The following UTS2B variants were observed in gnomAD, a reference collection of about 807,000 sequenced individuals.
UTS2B encodes the protein urotensin 2B, also known as urotensin-2B.
A neutral mutation model predicts 19.2 loss-of-function variants in UTS2B; 21 were observed. The ratio of observed to expected loss-of-function variants is 1.09; its 90% CI spans 0.78 to 1.58. UTS2B has a LOEUF of 1.58. UTS2B is among the 40% of genes most tolerant of loss of function. UTS2B has a pLI of 0.00. For missense variants in UTS2B, 138 were observed against 130.3 expected (o/e 1.06, Z -0.29); for synonymous variants, 57 against 50.2 (o/e 1.14, Z -0.58).
At chr3:191,309,357 T>A (rs1717227960) in intron 3 of UTS2B, among the ~76,000 whole-genome samples, 1 of 151,404 alleles carries the variant, frequency 6.6e-6, no homozygotes, top group African/African-American at 2.4e-5. Context: ...TTTTTTTCAG[T>A]AGAGATGAGG....
At chr3:191,298,406 A>C (rs1424199042) in intron 4 of UTS2B, among the ~76,000 whole-genome samples, 2 of 152,032 alleles carry the variant, frequency 1.3e-5, no homozygotes, top group Admixed American at 6.6e-5. Flanking sequence ...ATTTCTCATG[A>C]GATCTGGTTG....
At chr3:191,290,405 C>T (rs902419644) in intron 4 of UTS2B, among the ~76,000 whole-genome samples, 3 of 152,194 alleles carry the variant, frequency 2.0e-5, no homozygotes, top group Non-Finnish European at 2.9e-5. Context: ...CTAAGCACCT[C>T]ACAAATAGTA....
intron 4 of UTS2B, among the ~76,000 whole-genome samples, chr3:191,298,109 T>C (rs562545554): frequency 6.6e-6 from 1 of 152,336 alleles, no homozygotes; most frequent in South Asian, 2.1e-4. Context: ...GCATATATAT[T>C]CATCTTTTTA....
chr3:191,267,650 AAGGGC>A lies in UTS2B; in HGVS notation c.*761_*765del, dbSNP rs922413531. 1 of 152,218 alleles carries A rather than the reference AAGGGC, an allele frequency of 6.6e-6. No homozygotes were observed. The highest frequency in any genetic ancestry group is 2.4e-5 in the African/African-American group (1 of 41,444). 9.4% of individuals were successfully genotyped at this position (152,218 alleles called of 1,614,324 possible). Reference sequence around the variant, plus strand: ...ACCAGCATTTATTATTAAGTTTAGCAAGGGCAGGGGTAGGTTAATGAGGGATTTAG... The same window carrying A: ...ACCAGCATTTATTATTAAGTTTAGCAAGGGGTAGGTTAATGAGGGATTTAG... On this transcript the variant is annotated 3_prime_UTR_variant, in exon 9 of 9. Transcript: ENST00000340524.
chr3:191,329,667 G>A (rs1246773796), intron 1 of UTS2B: 10 of 1,608,194 alleles, frequency 6.2e-6, no homozygotes, highest in Non-Finnish European at 7.6e-6. Context: ...CCGGGACCCT[G>A]GCCCGGTATG....
the UTS2B span, among the ~76,000 whole-genome samples, chr3:191,340,658 G>C: frequency 6.6e-6 from 1 of 152,102 alleles, no homozygotes; most frequent in South Asian, 2.1e-4. Flanking sequence ...AAAAAGTTTG[G>C]AGTGGCGGAG....
intron 1 of UTS2B, chr3:191,329,120 TTTG>T (rs1194108916): frequency 6.5e-6 from 1 of 153,826 alleles, no homozygotes; most frequent in Non-Finnish European, 1.4e-5. Context: ...GTGTGGCCTT[TTTG>T]TTGAGGCCTT....
intron 4 of UTS2B, among the ~76,000 whole-genome samples, chr3:191,286,998 T>A (rs1159003381): frequency 2.7e-5 from 3 of 109,522 alleles, no homozygotes; most frequent in African/African-American, 7.8e-5. Context: ...ACAAATTGAA[T>A]AACTTCAAAA....
chr3:191,337,403 T>TC, the UTS2B span, among the ~76,000 whole-genome samples: 5 of 148,974 alleles, frequency 3.4e-5, no homozygotes, highest in East Asian at 3.9e-4. Context: ...TCTCTCTCTC[T>TC]TTTTTTTTTA....
At chr3:191,310,381 A>C (rs1421003655) in intron 3 of UTS2B, among the ~76,000 whole-genome samples, 1 of 152,136 alleles carries the variant, frequency 6.6e-6, no homozygotes, top group Non-Finnish European at 1.5e-5. Context: ...CAAAGATAAT[A>C]TTTCCCATCA....
chr3:191,273,224 A>G (rs1716139182), intron 8 of UTS2B, among the ~76,000 whole-genome samples: 1 of 152,220 alleles, frequency 6.6e-6, no homozygotes, highest in African/African-American at 2.4e-5. Context: ...TATCCTGGAA[A>G]GCCTGTTATT....
At chr3:191,300,489 A>T (rs1409464723) in intron 4 of UTS2B, among the ~76,000 whole-genome samples, 1 of 152,250 alleles carries the variant, frequency 6.6e-6, no homozygotes, top group Non-Finnish European at 1.5e-5. Flanking sequence ...GCTTTGTCTC[A>T]GATGAGACTT....
chr3:191,282,306 C>T lies in UTS2B; in HGVS notation c.-117G>A, dbSNP rs1441150792. The T allele has an allele frequency of 1.1e-5, 7 of 646,666 alleles. No homozygotes were observed. The highest frequency in any genetic ancestry group is 5.7e-5 in the East Asian group (2 of 35,304). 40.1% of individuals were successfully genotyped at this position (646,666 alleles called of 1,614,324 possible). ...GCAAAAGGCAAGTGTGCCTCAGTTA[C>T]GAATGATCTAGATGAAGGAAAAAGA... On this transcript the variant is annotated 5_prime_UTR_variant, in exon 5 of 9. Coordinates refer to ENST00000340524, the MANE Select transcript of UTS2B (RefSeq NM_198152.5).
At chr3:191,326,438 C>A (rs962611055) in intron 2 of UTS2B, among the ~76,000 whole-genome samples, 1 of 152,040 alleles carries the variant, frequency 6.6e-6, no homozygotes, top group Non-Finnish European at 1.5e-5. Flanking sequence ...CCAATCCAAG[C>A]ATTTTATTGT....
At chr3:191,317,020 C>T (rs954403035) in intron 2 of UTS2B, among the ~76,000 whole-genome samples, 6 of 152,286 alleles carry the variant, frequency 3.9e-5, no homozygotes, top group African/African-American at 1.4e-4. Context: ...CTGCACTCCT[C>T]ATCCCTTGGG....
chr3:191,324,070 C>G (rs1323028267), intron 2 of UTS2B, among the ~76,000 whole-genome samples: 2 of 152,110 alleles, frequency 1.3e-5, no homozygotes, highest in Non-Finnish European at 2.9e-5. Context: ...GAGAGCTCTG[C>G]CCTTATGAAT....
In UTS2B at chr3:191,275,356, T is replaced by G. The variant is rs761419414; in HGVS notation, c.241-11A>C. The G allele has an allele frequency of 6.2e-7, 1 of 1,606,418 alleles. No individual in the cohort carries two copies. Among genetic ancestry groups the G allele is most frequent in the Non-Finnish European group, 8.5e-7 (1 of 1,173,230 alleles). ...TTTTAGCTTTTCCAGCTGATAAAAT[T>G]GTAAAATGATAATTAATTGGTCTTC... On this transcript the variant is annotated splice_polypyrimidine_tract_variant and intron_variant, in intron 7 of 8. Transcript: ENST00000340524.
intron 4 of UTS2B, among the ~76,000 whole-genome samples, chr3:191,291,780 T>C (rs2108585240): frequency 6.6e-6 from 1 of 151,410 alleles, no homozygotes; most frequent in East Asian, 1.9e-4. Context: ...GTTTTATATA[T>C]GGTGTGAGGT....
At chr3:191,329,935 G>A (rs572368356) in intron 1 of UTS2B, among the ~76,000 whole-genome samples, 3 of 96,068 alleles carry the variant, frequency 3.1e-5, no homozygotes, top group East Asian at 1.8e-3. Context: ...TTTCTCAAGG[G>A]GGTGGTTGGG....
Sources: allele counts gnomAD v4.1 joint callset (sites outside exome capture counted in the v4.1 genomes callset), GRCh38; gene constraint gnomAD v4.1.1; transcripts MANE v1.5; gene names NCBI Gene and HGNC (gene_info 2026-07-23, HGNC 2026-07-21).